The following ZBTB16 variants were observed in gnomAD, a reference collection of about 807,000 sequenced individuals.
ZBTB16 encodes zinc finger and BTB domain-containing protein 16.
In ZBTB16, 8 loss-of-function variants were observed where a neutral mutation model predicts 56.8. The observed-to-expected ratio is 0.14, with a 90% CI of 0.08 to 0.25. The LOEUF is 0.25. ZBTB16 is among the 10% of genes least tolerant of loss of function. The pLI, the probability that ZBTB16 is intolerant of heterozygous loss-of-function variation, is 1.00. For missense variants in ZBTB16, 625 were observed against 903.0 expected (o/e 0.69, Z 3.95); for synonymous variants, 363 against 368.5 (o/e 0.98, Z 0.17).
chr11:114,088,140 C>CTTTTTTTTTTTTTTTTTTTTTTTTTTTT (rs10695166), intron 2 of ZBTB16, among the ~76,000 whole-genome samples: 1 of 123,082 alleles, frequency 8.1e-6, no homozygotes, highest in South Asian at 2.7e-4. Flanking sequence ...CCAGATACTT[C>CTTTTTTTTTTTTTTTTTTTTTTTTTTTT]TTTTTTTTTT....
intron 2 of ZBTB16, among the ~76,000 whole-genome samples, chr11:114,124,180 A>G (rs188478130): frequency 2.6e-5 from 4 of 152,214 alleles, no homozygotes; most frequent in Non-Finnish European, 5.9e-5. Flanking sequence ...CGTAAGTGTG[A>G]TGCGAGGCCC....
chr11:114,063,549 T>A lies in ZBTB16; in HGVS notation c.249T>A (p.Ile83=). The A allele has an allele frequency of 6.2e-7, 1 of 1,614,180 alleles. No individual in the cohort carries two copies. The highest frequency in any genetic ancestry group is 8.5e-7 in the Non-Finnish European group (1 of 1,180,034). ...DFLSPKTFQQ[I]LEYAYTATLQ... is the part of the protein sequence containing the mutation. ...TCTCGCCAAAGACCTTCCAGCAGAT[T>A]CTGGAGTATGCATATACAGCCACGC... The change falls in exon 2 of 7, where the codon ATT becomes ATA. Residue 83 remains isoleucine, a synonymous_variant. Coordinates refer to ENST00000335953, the MANE Select transcript of ZBTB16 (RefSeq NM_006006.6). This position sits in a 1 kb window ranked among gnomAD's most constrained non-coding sequence, Gnocchi z 6.5.
chr11:114,172,867 G>T (rs1218171355), intron 3 of ZBTB16, among the ~76,000 whole-genome samples: 1 of 152,184 alleles, frequency 6.6e-6, no homozygotes, highest in East Asian at 1.9e-4. Flanking sequence ...TTTTGTTTTG[G>T]TTTGTTTTTT....
At position 114,254,383 on chromosome 11, in the gene ZBTB16, T is replaced by G. The variant is rs1036732761; in HGVS notation, c.*3828T>G. Among the ~76,000 whole-genome samples, 1 of 152,044 alleles carries G rather than the reference T, an allele frequency of 6.6e-6. No homozygotes were observed. Among genetic ancestry groups the G allele is most frequent in the Non-Finnish European group, 1.5e-5 (1 of 68,002 alleles). On this transcript the variant is annotated 3_prime_UTR_variant, in exon 7 of 7. Transcript: ENST00000335953. Reference sequence around the variant, plus strand: ...GTTTAATCTTTGTGCCTGAACAGTTTTTCCATGTTGAGAAAAAAAAGAAAA... The same window carrying G: ...GTTTAATCTTTGTGCCTGAACAGTTGTTCCATGTTGAGAAAAAAAAGAAAA...
chr11:114,201,878 T>C (rs1305757561), intron 4 of ZBTB16, among the ~76,000 whole-genome samples: 3 of 152,222 alleles, frequency 2.0e-5, no homozygotes, highest in African/African-American at 7.2e-5. Flanking sequence ...CTTACATAAT[T>C]TTAAAAATTA....
At chr11:114,189,372 A>G (rs189331738) in intron 4 of ZBTB16, 1 of 152,366 alleles carries the variant, frequency 6.6e-6, no homozygotes, top group East Asian at 1.9e-4. Context: ...TCAAAACCAC[A>G]GTGAGATACT....
At chr11:114,210,193 G>GTGTGCA (rs368565657) in intron 4 of ZBTB16, among the ~76,000 whole-genome samples, 1 of 63,476 alleles carries the variant, frequency 1.6e-5, no homozygotes, top group Admixed American at 1.8e-4. Context: ...GTGTGTGTGT[G>GTGTGCA]CGTGCGCGCG....
At chr11:114,128,361 T>G (rs1941570722) in intron 2 of ZBTB16, among the ~76,000 whole-genome samples, 1 of 152,192 alleles carries the variant, frequency 6.6e-6, no homozygotes, top group South Asian at 2.1e-4. Flanking sequence ...CCACTACTTC[T>G]GCATGGCCGT....
intron 2 of ZBTB16, among the ~76,000 whole-genome samples, chr11:114,147,400 T>C (rs1310740988): frequency 6.6e-6 from 1 of 152,208 alleles, no homozygotes; most frequent in Non-Finnish European, 1.5e-5. Flanking sequence ...TTGAAAACTG[T>C]TTTCCCAGAA....
At chr11:114,140,690 T>A (rs1941922374) in intron 2 of ZBTB16, among the ~76,000 whole-genome samples, 1 of 152,202 alleles carries the variant, frequency 6.6e-6, no homozygotes, top group Admixed American at 6.5e-5. Context: ...TAACTCTTAC[T>A]CCGTGGAGTC....
intron 2 of ZBTB16, among the ~76,000 whole-genome samples, chr11:114,133,193 G>C (rs1941711889): frequency 6.6e-6 from 1 of 152,078 alleles, no homozygotes; most frequent in African/African-American, 2.4e-5. Flanking sequence ...GAGGTGTCCA[G>C]ACTCTCTTGG....
intron 2 of ZBTB16, among the ~76,000 whole-genome samples, chr11:114,114,034 C>G (rs991837491): frequency 2.0e-5 from 3 of 152,216 alleles, no homozygotes; most frequent in Non-Finnish European, 4.4e-5. Flanking sequence ...GATAAAAACT[C>G]ATCCCATGGC....
At chr11:114,187,455 C>T (rs568411403) in intron 4 of ZBTB16, 125 of 250,678 alleles carry the variant, frequency 5.0e-4, no homozygotes, top group Non-Finnish European at 7.5e-4. Flanking sequence ...CCTCCCTCTG[C>T]GAGAGCTGAG....
intron 2 of ZBTB16, among the ~76,000 whole-genome samples, chr11:114,127,661 T>G (rs891997408): frequency 2.0e-5 from 3 of 152,026 alleles, no homozygotes; most frequent in African/African-American, 7.2e-5. Flanking sequence ...GAGGGAAGGA[T>G]CAGAAAGGGG....
intron 2 of ZBTB16, among the ~76,000 whole-genome samples, chr11:114,131,752 T>C (rs1259689821): frequency 6.6e-6 from 1 of 152,230 alleles, no homozygotes; most frequent in African/African-American, 2.4e-5. Context: ...TTATTCTGCT[T>C]ACCGCGGGTC....
chr11:114,175,329 A>G (rs1324791136), intron 3 of ZBTB16, among the ~76,000 whole-genome samples: 7 of 152,228 alleles, frequency 4.6e-5, no homozygotes, highest in Non-Finnish European at 7.3e-5. Flanking sequence ...CAGTCATCAC[A>G]ATAAAAATAC....
At position 114,127,335 on chromosome 11, in the gene ZBTB16, G is replaced by A. The variant is rs147807267; in HGVS notation, c.1269-29002G>A. Among the ~76,000 whole-genome samples the A allele has an allele frequency of 5.1e-4, 78 of 152,278 alleles. No homozygotes were observed. The East Asian group carries it at 9.8e-3, about 19-fold the overall frequency. On this transcript the variant is annotated intron_variant, in intron 2 of 6. Transcript: ENST00000335953. Reference sequence around the variant, plus strand: ...CGTGCATTGGACTCCCATGGTGTGCGTGTGAAAATTCCTCAGCCCACACGG... The same window carrying A: ...CGTGCATTGGACTCCCATGGTGTGCATGTGAAAATTCCTCAGCCCACACGG...
At chr11:114,210,638 C>G (rs1365067440) in intron 4 of ZBTB16, 1 of 224,746 alleles carries the variant, frequency 4.4e-6, no homozygotes, top group South Asian at 1.9e-4. Context: ...TTCTCCTCAC[C>G]CCCACTTCCC....
intron 4 of ZBTB16, among the ~76,000 whole-genome samples, chr11:114,236,424 T>C (rs1440283741): frequency 6.6e-6 from 1 of 152,198 alleles, no homozygotes; most frequent in African/African-American, 2.4e-5. Flanking sequence ...CTGTATAATA[T>C]GGCAAAACTG....
Sources: allele counts gnomAD v4.1 joint callset (sites outside exome capture counted in the v4.1 genomes callset), GRCh38; gene constraint gnomAD v4.1.1; non-coding constraint Gnocchi (gnomAD v3.1); transcripts MANE v1.5; gene names NCBI Gene and HGNC (gene_info 2026-07-23, HGNC 2026-07-21).